EYS: variants seen among roughly 807,000 people sequenced by gnomAD.
EYS encodes protein eyes shut homolog.
A neutral mutation model predicts 282.1 loss-of-function variants in EYS; 250 were observed. The ratio of observed to expected loss-of-function variants is 0.89; its 90% CI spans 0.80 to 0.98. EYS has a LOEUF of 0.98. Ranked by LOEUF, EYS falls within the 50% of genes least tolerant of loss-of-function variation. The probability of loss-of-function intolerance (pLI) is 0.00; values close to 1 mark genes in which losing one functional copy is unlikely to be tolerated. For missense variants in EYS, 4,016 were observed against 3,709.0 expected (o/e 1.08, Z -2.15); for synonymous variants, 1,355 against 1,282.9 (o/e 1.06, Z -1.20).
At chr6:65,245,550 C>CTTTATTGATATATATATATGAGA (rs1767157795) in intron 12 of EYS, among the ~76,000 whole-genome samples, 22 of 152,038 alleles carry the variant, frequency 1.4e-4, no homozygotes, top group Admixed American at 1.4e-3. Context: ...ATTCTCATAT[C>CTTTATTGATATATATATATGAGA]AAGGCCTTTA....
intron 16 of EYS, among the ~76,000 whole-genome samples, chr6:64,911,058 G>T (rs1226821454): frequency 1.3e-5 from 2 of 151,890 alleles, no homozygotes; most frequent in Admixed American, 1.3e-4. Flanking sequence ...CATGTAAGTA[G>T]GCTAAGTAAA....
rs1169959539 is a variant in EYS, at chr6:64,439,329, C to G, written c.5668G>C (p.Gly1890Arg). The G allele has an allele frequency of 2.0e-6, 3 of 1,506,938 alleles. No individual in the cohort carries two copies. The highest frequency in any genetic ancestry group is 2.7e-6 in the Non-Finnish European group (3 of 1,131,014). The allele number at this position is 1,506,938 out of a possible 1,614,324, so 93.3% of individuals were successfully genotyped here. ...ISDFSCVRYY[G>R]DSYLEFQNVA... ...TTCTGAAATTCTAGATAAGAATCTCCATAATAACGAACACAACTGAAATCT... is the reference window on the plus strand; with the variant it reads ...TTCTGAAATTCTAGATAAGAATCTCGATAATAACGAACACAACTGAAATCT... The change falls in exon 27 of 43, where the codon GGA becomes CGA. Residue 1890 changes from glycine (G) to arginine (R), a missense_variant. Gly to Arg is a moderately radical substitution (Grantham distance 125). Transcript: ENST00000503581.
chr6:64,661,545 A>AAGAC (rs1769020760), intron 22 of EYS, among the ~76,000 whole-genome samples: 1 of 151,968 alleles, frequency 6.6e-6, no homozygotes, highest in African/African-American at 2.4e-5. Context: ...TGACAAGAAA[A>AAGAC]AAACAACCCC....
chr6:65,318,631 A>T (rs1769380956), intron 11 of EYS, among the ~76,000 whole-genome samples: 2 of 147,652 alleles, frequency 1.4e-5, no homozygotes, highest in African/African-American at 2.5e-5. Context: ...AAATATATAT[A>T]ATTTATATAT....
chr6:64,452,541 G>A (rs142815219), intron 26 of EYS, among the ~76,000 whole-genome samples: 42,114 of 151,768 alleles, frequency 0.28, 5,967 homozygotes, highest in East Asian at 0.46. Context: ...AAAAGAGCCC[G>A]CATTGCCAAG....
intron 30 of EYS, among the ~76,000 whole-genome samples, chr6:64,278,021 T>C (rs914534427): frequency 6.6e-6 from 1 of 152,158 alleles, no homozygotes; most frequent in African/African-American, 2.4e-5. Context: ...AATTATCTTT[T>C]AGAAATCTTA....
chr6:64,590,873 C>T lies in EYS; in HGVS notation c.4994G>A (p.Cys1665Tyr), dbSNP rs1766383824. The T allele has an allele frequency of 3.2e-6, 5 of 1,550,152 alleles. No individual in the cohort carries two copies. The highest frequency in any genetic ancestry group is 1.4e-5 in the African/African-American group (1 of 73,008). Residue 1665 changes from cysteine (C) to tyrosine (Y), a missense_variant, in exon 26 of 43, where the codon TGT (cysteine) becomes TAT (tyrosine). Physicochemically the swap from Cys to Tyr is radical, Grantham distance 194. Coordinates refer to ENST00000503581, the MANE Select transcript of EYS (RefSeq NM_001142800.2). Reference sequence around the variant, plus strand: ...AGTTTGTGAAGGGACAATGGATAAACAAGTCTTATCCAAACATAAATTAAC... The same window carrying T: ...AGTTTGTGAAGGGACAATGGATAAATAAGTCTTATCCAAACATAAATTAAC... Reference protein sequence around the residue: ...LDVNLCLDKTCLSIVPSQTIS... With the variant: ...LDVNLCLDKTYLSIVPSQTIS...
chr6:63,726,558 T>A lies in EYS; in HGVS notation c.8194A>T (p.Ile2732Phe). Residue 2732 changes from isoleucine (I) to phenylalanine (F), a missense_variant, in exon 42 of 43, where the codon ATC becomes TTC. Transcript: ENST00000503581. ...AAGTGTTGTGCAGCATAAAATAGGA[T>A]ACCATCTGCAGCGAGAGGCTGAAAC... is the stretch of plus-strand genomic sequence containing the variant. ...LQFQPLAADGILFYAAQHLKA... is the reference protein window; with the variant it reads ...LQFQPLAADGFLFYAAQHLKA... 6.4e-7 allele frequency: 1 copy of A among 1,551,356 alleles called. No individual in the cohort carries two copies. Among genetic ancestry groups the A allele is most frequent in the South Asian group, 1.2e-5 (1 of 84,024 alleles).
intron 13 of EYS, among the ~76,000 whole-genome samples, chr6:65,008,513 G>C (rs760164819): frequency 6.6e-6 from 1 of 152,106 alleles, no homozygotes; most frequent in African/African-American, 2.4e-5. Flanking sequence ...AGCGGACTTC[G>C]GAGGCTCTGG....
At chr6:64,403,346 TA>T (rs886147351) in intron 28 of EYS, among the ~76,000 whole-genome samples, 16 of 151,956 alleles carry the variant, frequency 1.1e-4, no homozygotes, top group South Asian at 4.2e-4. Flanking sequence ...ATTAAAAGGA[TA>T]AAAAAAACAA....
At chr6:64,460,000 T>A (rs1004287686) in intron 26 of EYS, among the ~76,000 whole-genome samples, 1 of 152,028 alleles carries the variant, frequency 6.6e-6, no homozygotes, top group African/African-American at 2.4e-5. Context: ...ATTTTTCTGT[T>A]GTGCCAGGAC....
intron 27 of EYS, among the ~76,000 whole-genome samples, chr6:64,437,725 T>C (rs1355592633): frequency 6.7e-6 from 1 of 149,274 alleles, no homozygotes; most frequent in East Asian, 2.1e-4. Flanking sequence ...ATATGAAGGC[T>C]ATGAAGGCTA....
In EYS at chr6:65,454,084, T is replaced by C. The variant is rs899152218; in HGVS notation, c.862+36510A>G. 2.0e-5 allele frequency among the ~76,000 whole-genome samples: 3 copies of C among 151,100 alleles called. No homozygotes were observed. In the East Asian group the frequency reaches 5.8e-4, roughly 29 times the overall value. On this transcript the variant is annotated intron_variant, in intron 5 of 42. Coordinates refer to ENST00000503581, the MANE Select transcript of EYS (RefSeq NM_001142800.2). ...GATCATATGGTAGTTCTATTTTTCA[T>C]TTTTTGAGGAACTTCTATACTTCTT...
intron 2 of EYS, among the ~76,000 whole-genome samples, chr6:65,513,659 C>T (rs912949519): frequency 6.6e-6 from 1 of 152,046 alleles, no homozygotes; most frequent in Non-Finnish European, 1.5e-5. Context: ...TAAATGTAAT[C>T]CAGCATATGA....
At chr6:64,609,491 A>AT (rs1767040545) in intron 24 of EYS, among the ~76,000 whole-genome samples, 1 of 152,328 alleles carries the variant, frequency 6.6e-6, no homozygotes, top group African/African-American at 2.4e-5. Context: ...GTTATCAGGA[A>AT]GGGGTCAAAC....
At chr6:64,852,161 T>G (rs982583393) in intron 19 of EYS, among the ~76,000 whole-genome samples, 1 of 152,068 alleles carries the variant, frequency 6.6e-6, no homozygotes, top group Non-Finnish European at 1.5e-5. Flanking sequence ...TAGTACTGAG[T>G]GTCAACTTGA....
chr6:64,569,620 G>A (rs1432171045), intron 26 of EYS, among the ~76,000 whole-genome samples: 2 of 151,818 alleles, frequency 1.3e-5, no homozygotes, highest in Admixed American at 1.3e-4. Flanking sequence ...GGGAACCTGT[G>A]GTCCCAGCTA....
At chr6:64,227,036 A>T (rs1040506062) in intron 31 of EYS, among the ~76,000 whole-genome samples, 1 of 152,140 alleles carries the variant, frequency 6.6e-6, no homozygotes, top group Non-Finnish European at 1.5e-5. Context: ...TGGGAAGAAA[A>T]ATCAGTTTCC....
In EYS at chr6:64,231,927, A is replaced by C. The variant is rs551058960; in HGVS notation, c.6192-1103T>G. ...TAAAAATCAACAATTAAACATAATA[A>C]ATTTTTATTTTATACCTTGTCATAA... On this transcript the variant is annotated intron_variant, in intron 30 of 42. Transcript: ENST00000503581. Among the ~76,000 whole-genome samples, 113 of 152,310 alleles carry C rather than the reference A, an allele frequency of 7.4e-4. 2 individuals are homozygous for C. In the South Asian group the frequency reaches 0.022, roughly 30 times the overall value.
Sources: allele counts gnomAD v4.1 joint callset (sites outside exome capture counted in the v4.1 genomes callset), GRCh38; gene constraint gnomAD v4.1.1; transcripts MANE v1.5; gene names NCBI Gene and HGNC (gene_info 2026-07-23, HGNC 2026-07-21).